The following COLQ variants were observed in gnomAD, a reference collection of about 807,000 sequenced individuals.
COLQ encodes the protein acetylcholinesterase collagenic tail peptide.
COLQ carries 48 observed loss-of-function variants against 69.0 expected under a neutral mutation model. The ratio of observed to expected loss-of-function variants is 0.70; its 90% confidence interval spans 0.55 to 0.88. COLQ has a LOEUF of 0.88. COLQ is among the 40% of genes least tolerant of loss of function. The pLI, the probability that COLQ is intolerant of heterozygous loss-of-function variation, is 0.00. For synonymous variants in COLQ, 217 were observed against 211.2 expected (o/e 1.03, Z -0.24); for missense variants, 618 against 594.6 (o/e 1.04, Z -0.41).
At chr3:15,469,310 A>G (rs1400622725) in intron 11 of COLQ, among the ~76,000 whole-genome samples, 1 of 152,196 alleles carries the variant, frequency 6.6e-6, no homozygotes, top group Non-Finnish European at 1.5e-5. Context: ...AGACAGAAGG[A>G]AGCCAGGAAG....
intron 2 of COLQ, among the ~76,000 whole-genome samples, chr3:15,488,637 A>G (rs1469255341): frequency 6.6e-6 from 1 of 152,188 alleles, no homozygotes; most frequent in Non-Finnish European, 1.5e-5. Flanking sequence ...TAAGAGCAAC[A>G]CTGTAATTTT....
chr3:15,493,599 T>C (rs1195883341), intron 1 of COLQ, among the ~76,000 whole-genome samples: 1 of 152,250 alleles, frequency 6.6e-6, no homozygotes, highest in Non-Finnish European at 1.5e-5. Context: ...TTGTGGGTCT[T>C]AGTTCAAATA....
At chr3:15,455,654 G>C (rs2062013008) in intron 15 of COLQ, among the ~76,000 whole-genome samples, 2 of 152,232 alleles carry the variant, frequency 1.3e-5, no homozygotes, top group Admixed American at 1.3e-4. Context: ...AGATAAAGAA[G>C]GCCTAACTGG....
At position 15,466,425 on chromosome 3, in the gene COLQ, CCCCT is replaced by C; in HGVS notation, c.726_729del (p.Gly243IlefsTer32). On this transcript the variant is annotated frameshift_variant, in exon 12 of 17. Transcript: ENST00000383788. LOFTEE classifies it high-confidence loss of function. ...CCTGGTGGGCCCATAACTCCACTAT[CCCCT>C]TTCTGTCCCTGACAGAGAGAAAGGC... 6.2e-7 allele frequency: 1 copy of C among 1,614,078 alleles called. No individual in the cohort carries two copies. The highest frequency in any genetic ancestry group is 8.5e-7 in the Non-Finnish European group (1 of 1,179,968).
chr3:15,521,509 CCATCATTTA>C lies in COLQ; in HGVS notation c.106+2_106+10del. The C allele has an allele frequency of 6.2e-7, 1 of 1,614,084 alleles. No homozygotes were observed. Reference sequence around the variant, plus strand: ...CAGATGGAAGAGAGGAAAGTTGTGGCCATCATTTACCTGCTGAGATTGGAAGAACGCTGT... The same window carrying C: ...CAGATGGAAGAGAGGAAAGTTGTGGCCCTGCTGAGATTGGAAGAACGCTGT... On this transcript the variant is annotated splice_donor_variant and splice_donor_5th_base_variant and intron_variant, in intron 1 of 16. Transcript: ENST00000383788. LOFTEE classifies it high-confidence loss of function.
chr3:15,498,890 G>C (rs1013498802), intron 1 of COLQ: 61 of 1,336,840 alleles, frequency 4.6e-5, no homozygotes, highest in Admixed American at 2.8e-4. Context: ...GGAGCCCAGG[G>C]ATACTTATCC....
chr3:15,516,606 A>G (rs1410034316), intron 1 of COLQ, among the ~76,000 whole-genome samples: 2 of 152,134 alleles, frequency 1.3e-5, no homozygotes, highest in African/African-American at 2.4e-5. Context: ...TCGGCTCACA[A>G]TGCCTAAAGG....
At chr3:15,485,315 A>C (rs1017998630) in intron 3 of COLQ, among the ~76,000 whole-genome samples, 3 of 152,186 alleles carry the variant, frequency 2.0e-5, no homozygotes, top group African/African-American at 7.2e-5. Flanking sequence ...CCCTACTGGG[A>C]GGTGTCTCCC....
Position 15,451,366 on chromosome 3 carries a change from C to G in COLQ, c.*278G>C. On this transcript the variant is annotated 3_prime_UTR_variant, in exon 17 of 17. Transcript: ENST00000383788. ...CAGCAACATTCCAGAAGAGGAAGAG[C>G]ATTGTAGCCGGTTGTTTGGCCAAAT... 1.7e-6 allele frequency: 1 copy of G among 600,272 alleles called. No individual in the cohort carries two copies. Among genetic ancestry groups the G allele is most frequent in the Non-Finnish European group, 3.1e-6 (1 of 327,800 alleles). 37.2% of individuals were successfully genotyped at this position (600,272 alleles called of 1,614,324 possible). A position where few individuals can be genotyped will look rare whatever the true frequency, so the allele number is the denominator to read the frequency against.
intron 12 of COLQ, among the ~76,000 whole-genome samples, chr3:15,461,245 T>A (rs958724716): frequency 6.7e-6 from 1 of 148,426 alleles, no homozygotes; most frequent in African/African-American, 2.5e-5. Flanking sequence ...TACAAAGCTC[T>A]CACCCTTTCC....
chr3:15,461,155 T>G (rs907316788), intron 12 of COLQ, among the ~76,000 whole-genome samples: 1 of 151,926 alleles, frequency 6.6e-6, no homozygotes, highest in African/African-American at 2.4e-5. Flanking sequence ...ATTTGATTAT[T>G]GCAAATTACA....
At chr3:15,479,690 G>A (rs1469744674) in intron 3 of COLQ, among the ~76,000 whole-genome samples, 3 of 152,150 alleles carry the variant, frequency 2.0e-5, no homozygotes, top group African/African-American at 7.2e-5. Context: ...TGCTTGTTGA[G>A]AGCAACAAAA....
chr3:15,451,773 C>A, intron 16 of COLQ, 60 bp from the exon 17 acceptor site: 1 of 1,433,340 alleles, frequency 7.0e-7, no homozygotes, highest in South Asian at 1.1e-5. Context: ...GACTTCCGGT[C>A]AAACCTTATC....
intron 16 of COLQ, 115 bp from the exon 17 acceptor site, chr3:15,451,828 T>C: frequency 1.1e-6 from 1 of 911,276 alleles, no homozygotes; most frequent in Non-Finnish European, 1.8e-6. Context: ...CTTTTTCCCA[T>C]TCTCATTTGG....
intron 1 of COLQ, among the ~76,000 whole-genome samples, chr3:15,490,144 C>T (rs1260580542): frequency 6.6e-6 from 1 of 152,200 alleles, no homozygotes; most frequent in Non-Finnish European, 1.5e-5. Context: ...TCACGTGTCA[C>T]TCATTTCACT....
chr3:15,503,055 T>C (rs1198164410), intron 1 of COLQ, among the ~76,000 whole-genome samples: 2 of 152,194 alleles, frequency 1.3e-5, no homozygotes, highest in Non-Finnish European at 2.9e-5. Flanking sequence ...CACACAGCCC[T>C]AGGAGGAGGT....
intron 1 of COLQ, among the ~76,000 whole-genome samples, chr3:15,499,627 A>G (rs1303544184): frequency 6.6e-6 from 1 of 152,270 alleles, no homozygotes; most frequent in Non-Finnish European, 1.5e-5. Context: ...AACCTTCAAA[A>G]GAAAGGACAC....
intron 10 of COLQ, among the ~76,000 whole-genome samples, chr3:15,472,844 T>G (rs2062311570): frequency 6.6e-6 from 1 of 152,064 alleles, no homozygotes; most frequent in Non-Finnish European, 1.5e-5. Context: ...CTTTCTTCAC[T>G]TCTTTCTTCT....
intron 1 of COLQ, among the ~76,000 whole-genome samples, chr3:15,502,153 T>C (rs2062839622): frequency 6.6e-6 from 1 of 150,660 alleles, no homozygotes; most frequent in Non-Finnish European, 1.5e-5. Context: ...TTTGCTCTTG[T>C]TGCCTAGGCT....
Sources: allele counts gnomAD v4.1 joint callset (sites outside exome capture counted in the v4.1 genomes callset), GRCh38; gene constraint gnomAD v4.1.1; transcripts MANE v1.5; gene names NCBI Gene and HGNC (gene_info 2026-07-23, HGNC 2026-07-21).